Variants in NCOA2 observed in about 807,000 individuals in gnomAD.
NCOA2 encodes nuclear receptor coactivator 2.
Under a neutral mutation model 145.1 loss-of-function variants are expected in NCOA2, and 21 were observed. The ratio of observed to expected loss-of-function variants is 0.14; its 90% CI spans 0.10 to 0.21. The LOEUF (loss-of-function observed/expected upper bound fraction) is 0.21. Among genes scored for constraint, NCOA2 ranks in the 10% least tolerant of loss-of-function variants. The pLI is 1.00. For missense variants in NCOA2, 1,472 were observed against 1,837.6 expected, an observed-to-expected ratio of 0.80 and a Z score of 3.64; for synonymous variants, 619 against 637.5, an observed-to-expected ratio of 0.97 and a Z score of 0.44.
intron 9 of NCOA2, 35 bp from the exon 10 acceptor site, chr8:70,159,687 G>GAA: frequency 6.4e-7 from 1 of 1,556,984 alleles, no homozygotes; most frequent in Non-Finnish European, 8.7e-7. Context: ...GGCACGTTTA[G>GAA]AAAAAAAAAT....
chr8:70,328,267 A>G (rs1167443435), intron 1 of NCOA2, among the ~76,000 whole-genome samples: 4 of 152,232 alleles, frequency 2.6e-5, no homozygotes, highest in African/African-American at 9.6e-5. Flanking sequence ...TCTAAGTCTT[A>G]TAGATTATAT....
intron 4 of NCOA2, among the ~76,000 whole-genome samples, chr8:70,207,580 T>C (rs1818572766): frequency 6.6e-6 from 1 of 151,976 alleles, no homozygotes; most frequent in Non-Finnish European, 1.5e-5. Context: ...AACTGCAGTA[T>C]TGGTGGGGTG....
intron 12 of NCOA2, among the ~76,000 whole-genome samples, chr8:70,146,867 T>C (rs1811124297): frequency 6.7e-6 from 1 of 149,436 alleles, no homozygotes; most frequent in South Asian, 2.1e-4. Flanking sequence ...AGCAAATTTT[T>C]TGTAGTAGAG....
intron 1 of NCOA2, among the ~76,000 whole-genome samples, chr8:70,310,591 T>G (rs1805029476): frequency 6.6e-6 from 1 of 152,156 alleles, no homozygotes; most frequent in Admixed American, 6.6e-5. Flanking sequence ...TAAAATATCT[T>G]TTAAAGATAC....
chr8:70,369,026 A>C (rs915101767), intron 1 of NCOA2, among the ~76,000 whole-genome samples: 1 of 152,230 alleles, frequency 6.6e-6, no homozygotes, highest in Non-Finnish European at 1.5e-5. Flanking sequence ...AAAAGGGATA[A>C]TTCCATTTCT....
At chr8:70,425,264 C>T in the NCOA2 span, among the ~76,000 whole-genome samples, 13 of 152,136 alleles carry the variant, frequency 8.5e-5, no homozygotes, top group Admixed American at 2.0e-4. Context: ...ACCTGCAGTG[C>T]TCCCCTTTAT....
intron 2 of NCOA2, among the ~76,000 whole-genome samples, chr8:70,291,118 G>T (rs867233672): frequency 2.0e-5 from 3 of 152,138 alleles, no homozygotes; most frequent in Admixed American, 6.5e-5. Flanking sequence ...GAATATTCAA[G>T]TTTGAATTGA....
At chr8:70,161,964 C>T (rs1292785608) in intron 9 of NCOA2, among the ~76,000 whole-genome samples, 4 of 152,018 alleles carry the variant, frequency 2.6e-5, no homozygotes, top group East Asian at 3.9e-4. Context: ...GGAAGACCTT[C>T]GGAAGCAGCA....
intron 1 of NCOA2, among the ~76,000 whole-genome samples, chr8:70,391,792 G>A (rs1381989483): frequency 2.0e-5 from 3 of 152,162 alleles, no homozygotes; most frequent in Non-Finnish European, 4.4e-5. Flanking sequence ...TTAGATCCTC[G>A]TTTGAAAAAC....
At chr8:70,422,362 T>C in the NCOA2 span, among the ~76,000 whole-genome samples, 1 of 151,966 alleles carries the variant, frequency 6.6e-6, no homozygotes, top group Non-Finnish European at 1.5e-5. Flanking sequence ...GCCTTAAAGG[T>C]GCATATCCTT....
intron 19 of NCOA2, 82 bp downstream of exon 19, chr8:70,126,731 T>G: frequency 1.1e-4 from 127 of 1,154,910 alleles, no homozygotes; most frequent in Non-Finnish European, 1.4e-4. Context: ...CAAAGAGCTG[T>G]GAGAGAGGAG....
At chr8:70,193,964 C>G (rs576292279) in intron 4 of NCOA2, among the ~76,000 whole-genome samples, 8 of 152,308 alleles carry the variant, frequency 5.3e-5, no homozygotes, top group African/African-American at 1.9e-4. Flanking sequence ...TTTTACTCTT[C>G]TTCCTCAGAC....
intron 2 of NCOA2, among the ~76,000 whole-genome samples, chr8:70,232,870 T>TAC (rs71275059): frequency 1.2e-3 from 175 of 145,336 alleles, no homozygotes; most frequent in Middle Eastern, 6.9e-3. Context: ...ATTTAGAATT[T>TAC]ACACACACAC....
chr8:70,315,094 A>T (rs1805485093), intron 1 of NCOA2, among the ~76,000 whole-genome samples: 1 of 152,212 alleles, frequency 6.6e-6, no homozygotes, highest in Non-Finnish European at 1.5e-5. Flanking sequence ...GTCTTACAGA[A>T]ATCAAGTAAG....
the NCOA2 span, among the ~76,000 whole-genome samples, chr8:70,434,694 A>C: frequency 6.6e-6 from 1 of 152,090 alleles, no homozygotes; most frequent in African/African-American, 2.4e-5. Flanking sequence ...TCAGCCTCCA[A>C]GTAGCTAGAA....
chr8:70,156,693 T>G lies in NCOA2; in HGVS notation c.1672A>C (p.Lys558Gln). The change falls in exon 11 of 23, where the codon AAA becomes CAA. Residue 558 changes from lysine (K) to glutamine (Q), a missense_variant. Lys to Gln is a moderately conservative substitution (Grantham distance 53). Around this residue, in one of 4 missense-constraint regions of NCOA2, gnomAD observed 953 missense variants for 1,062.1 expected, o/e 0.90. Coordinates refer to ENST00000452400, the MANE Select transcript of NCOA2 (RefSeq NM_006540.4). ...LGSSLASPDL[K>Q]MGNLQNSPVN... ...GGGGAGTTTTGCAAATTGCCCATTTTTAGGTCTGGTGAAGCCAACGATGAC... is the reference window on the plus strand; with the variant it reads ...GGGGAGTTTTGCAAATTGCCCATTTGTAGGTCTGGTGAAGCCAACGATGAC... 1 of 1,613,912 alleles carries G rather than the reference T, an allele frequency of 6.2e-7. No homozygotes were observed. The highest frequency in any genetic ancestry group is 2.2e-5 in the East Asian group (1 of 44,866).
At chr8:70,408,835 C>G in the NCOA2 span, among the ~76,000 whole-genome samples, 147 of 150,454 alleles carry the variant, frequency 9.8e-4, 1 homozygote, top group African/African-American at 3.4e-3. Flanking sequence ...CCGTCTTACC[C>G]AGGCTGATCT....
intron 1 of NCOA2, among the ~76,000 whole-genome samples, chr8:70,303,721 T>C (rs1262914926): frequency 6.6e-6 from 1 of 152,184 alleles, no homozygotes; most frequent in Non-Finnish European, 1.5e-5. Flanking sequence ...TTTAAACAAC[T>C]GCAGAAGTCC....
chr8:70,177,414 T>TTTTC (rs1378757890), intron 4 of NCOA2, among the ~76,000 whole-genome samples: 1 of 152,072 alleles, frequency 6.6e-6, no homozygotes, highest in East Asian at 1.9e-4. Context: ...TCAGACCAGG[T>TTTTC]TTTCACTGCA....
Sources: allele counts gnomAD v4.1 joint callset (sites outside exome capture counted in the v4.1 genomes callset), GRCh38; gene constraint gnomAD v4.1.1; regional missense constraint gnomAD v4.1.1; transcripts MANE v1.5; gene names NCBI Gene and HGNC (gene_info 2026-07-23, HGNC 2026-07-21).